CTSO: variants seen among roughly 807,000 people sequenced by gnomAD.
CTSO encodes the protein cathepsin O.
Under a neutral mutation model 42.4 loss-of-function variants are expected in CTSO, and 40 were observed. The observed-to-expected ratio is 0.94, with a 90% CI of 0.73 to 1.23. The LOEUF (loss-of-function observed/expected upper bound fraction) is 1.23. Among genes scored for constraint, CTSO ranks in the 50% most tolerant of loss-of-function variants. The pLI, the probability that CTSO is intolerant of heterozygous loss-of-function variation, is 0.00. For synonymous variants in CTSO, 156 were observed against 146.2 expected (o/e 1.07, Z -0.48); for missense variants, 441 against 396.0 (o/e 1.11, Z -0.96).
At chr4:155,930,144 G>A (rs1048665519) in intron 5 of CTSO, among the ~76,000 whole-genome samples, 2 of 152,184 alleles carry the variant, frequency 1.3e-5, no homozygotes, top group Non-Finnish European at 2.9e-5. Context: ...GGAAGATGGG[G>A]AATGAGTTCT....
At chr4:155,949,758 T>C (rs17033839) in intron 1 of CTSO, among the ~76,000 whole-genome samples, 4,956 of 152,322 alleles carry the variant, frequency 0.033, 247 homozygotes, top group African/African-American at 0.11. Flanking sequence ...TGAGAATTTC[T>C]TGGAAGACTT....
Position 155,939,539 on chromosome 4 carries a change from C to T in CTSO, c.385-1G>A. On this transcript the variant is annotated splice_acceptor_variant, in intron 3 of 7. Coordinates refer to ENST00000433477, the MANE Select transcript of CTSO (RefSeq NM_001334.3). LOFTEE classifies it high-confidence loss of function. ...CGCTGAAGGCCCAGCATCCTCCACA[C>T]TGTTTAAAAACAGAAAAAGGGGTGG... is the stretch of plus-strand genomic sequence containing the variant. 6.2e-7 allele frequency: 1 copy of T among 1,609,410 alleles called. No individual in the cohort carries two copies. The highest frequency in any genetic ancestry group is 8.5e-7 in the Non-Finnish European group (1 of 1,177,086).
intron 5 of CTSO, among the ~76,000 whole-genome samples, chr4:155,932,705 C>T: frequency 6.6e-6 from 1 of 152,210 alleles, no homozygotes; most frequent in African/African-American, 2.4e-5. Flanking sequence ...CAGAGTTCCC[C>T]AGCAGGACTA....
intron 5 of CTSO, among the ~76,000 whole-genome samples, chr4:155,935,194 G>A (rs776302478): frequency 5.9e-5 from 9 of 152,076 alleles, no homozygotes; most frequent in East Asian, 1.9e-4. Flanking sequence ...TCTTGCTGCC[G>A]CCACGTAAGT....
Position 155,925,797 on chromosome 4 carries a change from G to C in CTSO, c.*239C>G, listed in dbSNP as rs1743119412. ...TAATCTGAATTTCGTCTCAGGACAGGAAACTATTCCATAGGCTTCCTCGCA... is the reference window on the plus strand; with the variant it reads ...TAATCTGAATTTCGTCTCAGGACAGCAAACTATTCCATAGGCTTCCTCGCA... On this transcript the variant is annotated 3_prime_UTR_variant, in exon 8 of 8. Transcript: ENST00000433477. The C allele has an allele frequency of 2.1e-6, 1 of 467,926 alleles. No homozygotes were observed. Among genetic ancestry groups the C allele is most frequent in the Admixed American group, 4.3e-5 (1 of 23,098 alleles). The allele number at this position is 467,926 out of a possible 1,614,324, so 29.0% of individuals were successfully genotyped here.
chr4:155,933,253 T>C (rs143777508), intron 5 of CTSO, among the ~76,000 whole-genome samples: 2,113 of 152,220 alleles, frequency 0.014, 25 homozygotes, highest in South Asian at 0.019. Flanking sequence ...GATCTGATGA[T>C]TTTATCAGGG....
rs536030829 is a variant in CTSO, at chr4:155,933,374, CA to C, written c.675-3670del. Among the ~76,000 whole-genome samples, 938 of 152,190 alleles carry C rather than the reference CA, an allele frequency of 6.2e-3. 9 individuals carry two copies. Among genetic ancestry groups the C allele is most frequent in the African/African-American group, 0.022 (906 of 41,518 alleles). The stretch of plus-strand genomic sequence containing the variant: ...CCCTAGCCATGTGGAACTGTAAGTC[CA>C]ATTAAACCTTTCTCTTCCCAGTCTC... On this transcript the variant is annotated intron_variant, in intron 5 of 7. Transcript: ENST00000433477.
At chr4:155,950,117 TATG>T (rs879804300) in intron 1 of CTSO, among the ~76,000 whole-genome samples, 1 of 152,246 alleles carries the variant, frequency 6.6e-6, no homozygotes, top group African/African-American at 2.4e-5. Flanking sequence ...GTTTACTATG[TATG>T]ATAAGAAATG....
Position 155,934,056 on chromosome 4 carries a change from G to A in CTSO, c.674+3306C>T, listed in dbSNP as rs186140425. 1.6e-3 allele frequency among the ~76,000 whole-genome samples: 251 copies of A among 152,264 alleles called. 3 individuals are homozygous for A. Among genetic ancestry groups the A allele is most frequent in the Middle Eastern group, 3.4e-3 (1 of 294 alleles). On this transcript the variant is annotated intron_variant, in intron 5 of 7. Transcript: ENST00000433477. ...TTCAGGTTATGTCAGACACCTTCAC[G>A]GCAGCCCCTCCCATCACAGGCTCGG...
intron 1 of CTSO, among the ~76,000 whole-genome samples, chr4:155,952,644 C>T (rs1004150158): frequency 6.6e-6 from 1 of 152,184 alleles, no homozygotes; most frequent in African/African-American, 2.4e-5. Context: ...TAACAGTACA[C>T]ATCTCGGTTT....
At chr4:155,946,879 G>A (rs4691163) in intron 1 of CTSO, among the ~76,000 whole-genome samples, 81,349 of 151,914 alleles carry the variant, frequency 0.54, 22,408 homozygotes, top group South Asian at 0.64. Context: ...TTATTTTGAG[G>A]CGGATTCTCG....
At chr4:155,931,294 A>G (rs1019429338) in intron 5 of CTSO, among the ~76,000 whole-genome samples, 2 of 152,186 alleles carry the variant, frequency 1.3e-5, no homozygotes, top group Non-Finnish European at 2.9e-5. Context: ...GTCTCCATCA[A>G]TTGAAGAAAA....
chr4:155,937,538 T>C, intron 4 of CTSO, 55 bp from the exon 5 acceptor site: 2 of 1,538,978 alleles, frequency 1.3e-6, no homozygotes, highest in Non-Finnish European at 1.8e-6. Flanking sequence ...ATAAATCAAA[T>C]AGAACTTACT....
chr4:155,953,712 C>T lies in CTSO; in HGVS notation c.135+1G>A, dbSNP rs923112000. ...ATCCCGGGGAGGCGCGCGCTCGGTA[C>T]CCGGAAGGCGGCGGCTTCACGCTCG... On this transcript the variant is annotated splice_donor_variant, in intron 1 of 7. Coordinates refer to ENST00000433477, the MANE Select transcript of CTSO (RefSeq NM_001334.3). LOFTEE classifies it high-confidence loss of function. 2.4e-6 allele frequency: 3 copies of T among 1,270,760 alleles called. No individual in the cohort carries two copies. In the East Asian group the frequency reaches 9.4e-5, roughly 40 times the overall value. 78.7% of individuals were successfully genotyped at this position (1,270,760 alleles called of 1,614,324 possible).
Position 155,932,091 on chromosome 4 carries a change from A to G in CTSO, c.675-2386T>C, listed in dbSNP as rs1488758024. ...ATTTACATAGTCATTCTCATATTGT[A>G]GTTTGAGTCCTGAAATTTCTGGGGT... On this transcript the variant is annotated intron_variant, in intron 5 of 7. Coordinates refer to ENST00000433477, the MANE Select transcript of CTSO (RefSeq NM_001334.3). 2.0e-5 allele frequency among the ~76,000 whole-genome samples: 3 copies of G among 152,152 alleles called. No individual in the cohort carries two copies. In the East Asian group the frequency reaches 5.8e-4, roughly 29 times the overall value.
Position 155,926,015 on chromosome 4 carries a change from T to A in CTSO, c.*21A>T. On this transcript the variant is annotated 3_prime_UTR_variant, in exon 8 of 8. Coordinates refer to ENST00000433477, the MANE Select transcript of CTSO (RefSeq NM_001334.3). The stretch of plus-strand genomic sequence containing the variant: ...ATGAAAACCTTCATTTTTGTAGCTG[T>A]CTCTTGATCTGCCCAACATGTCACA... The A allele has an allele frequency of 6.3e-7, 1 of 1,598,926 alleles. No individual in the cohort carries two copies. Among genetic ancestry groups the A allele is most frequent in the South Asian group, 1.1e-5 (1 of 88,724 alleles).
rs1743105179 is a variant in CTSO at position 155,924,985 on chromosome 4, A to G, written c.*1051T>C. The G allele has an allele frequency of 6.6e-6, 1 of 152,076 alleles. No individual in the cohort carries two copies. The highest frequency in any genetic ancestry group is 2.1e-4 in the South Asian group (1 of 4,824). 9.4% of individuals were successfully genotyped at this position (152,076 alleles called of 1,614,324 possible). Reference sequence around the variant, plus strand: ...GGAAAACTGGGAAACAGATTCTGGAAAACTCACAGTTTGTTTGATACCCAG... The same window carrying G: ...GGAAAACTGGGAAACAGATTCTGGAGAACTCACAGTTTGTTTGATACCCAG... On this transcript the variant is annotated 3_prime_UTR_variant, in exon 8 of 8. Transcript: ENST00000433477.
intron 1 of CTSO, among the ~76,000 whole-genome samples, chr4:155,948,184 A>G (rs1278745646): frequency 6.6e-6 from 1 of 152,186 alleles, no homozygotes; most frequent in Non-Finnish European, 1.5e-5. Context: ...TCCTGATTAT[A>G]AAACTAGGAA....
At chr4:155,943,096 A>G (rs763461247) in intron 2 of CTSO, 60 bp downstream of exon 2, 1 of 987,382 alleles carries the variant, frequency 1.0e-6, no homozygotes, top group South Asian at 1.5e-5. Flanking sequence ...AATATTTATC[A>G]AAAGTTAAGC....
Sources: gnomAD v4.1 joint callset for allele counts (sites outside exome capture counted in the v4.1 genomes callset) on GRCh38, gnomAD v4.1.1 for gene constraint, MANE v1.5 for transcripts, NCBI Gene and HGNC (gene_info 2026-07-23, HGNC 2026-07-21) for gene names.